The following LPIN1 variants were observed in gnomAD, a reference collection of about 807,000 sequenced individuals.
LPIN1 encodes the protein lipin 1.
LPIN1 carries 71 observed loss-of-function variants against 107.5 expected under a neutral mutation model. The ratio of observed to expected loss-of-function variants is 0.66; its 90% CI spans 0.55 to 0.80. The LOEUF is 0.80. Ranked by LOEUF, LPIN1 falls within the 30% of genes least tolerant of loss-of-function variation. The pLI is 0.00. For synonymous variants in LPIN1, 445 were observed against 452.6 expected (o/e 0.98, Z 0.21); for missense variants, 1,043 against 1,160.6 (o/e 0.90, Z 1.47).
At chr2:11,814,453 G>A (rs1291558636) in intron 17 of LPIN1, among the ~76,000 whole-genome samples, 2 of 151,946 alleles carry the variant, frequency 1.3e-5, no homozygotes, top group Non-Finnish European at 2.9e-5. Context: ...TGCTACAAAA[G>A]GGAACAGAGA....
chr2:11,800,774 A>C (rs1243382079), intron 14 of LPIN1, among the ~76,000 whole-genome samples: 1 of 152,172 alleles, frequency 6.6e-6, no homozygotes, highest in Non-Finnish European at 1.5e-5. Context: ...AAAGATAAAG[A>C]CAATCCTGGT....
chr2:11,798,561 A>G (rs986103999), intron 14 of LPIN1, among the ~76,000 whole-genome samples: 58 of 152,282 alleles, frequency 3.8e-4, no homozygotes, highest in African/African-American at 1.4e-3. Flanking sequence ...TGGGGCAAAA[A>G]ATGCTTTTTC....
intron 20 of LPIN1, among the ~76,000 whole-genome samples, chr2:11,821,028 T>C (rs1368546596): frequency 6.6e-6 from 1 of 152,220 alleles, no homozygotes; most frequent in Non-Finnish European, 1.5e-5. Flanking sequence ...CATCCTTGTG[T>C]GCTTAGAATC....
intron 14 of LPIN1, among the ~76,000 whole-genome samples, chr2:11,801,513 A>ATT (rs1259547098): frequency 6.6e-6 from 1 of 152,228 alleles, no homozygotes; most frequent in Non-Finnish European, 1.5e-5. Context: ...AGAAAGACAA[A>ATT]TATCACGTGT....
At chr2:11,744,026 T>C (rs1666634418), upstream of LPIN1, among the ~76,000 whole-genome samples, 1 of 152,242 alleles carries the variant, frequency 6.6e-6, no homozygotes, top group Admixed American at 6.5e-5. Flanking sequence ...CCATGATGCC[T>C]TTTTCATCCT....
intron 12 of LPIN1, among the ~76,000 whole-genome samples, chr2:11,791,509 C>T (rs1249050739): frequency 6.6e-6 from 1 of 152,204 alleles, no homozygotes; most frequent in African/African-American, 2.4e-5. Flanking sequence ...GTTTTATCCT[C>T]TATCCCATAT....
chr2:11,744,814 C>T (rs1424871594), upstream of LPIN1, among the ~76,000 whole-genome samples: 1 of 152,104 alleles, frequency 6.6e-6, no homozygotes, highest in Non-Finnish European at 1.5e-5. Flanking sequence ...TTTGGGCAGC[C>T]GTGATGCACT....
intron 3 of LPIN1, 72 bp downstream of exon 3, chr2:11,767,930 C>A: frequency 2.0e-6 from 2 of 993,304 alleles, no homozygotes; most frequent in Non-Finnish European, 3.2e-6. Flanking sequence ...GGAAACACGG[C>A]AGAAGTTTGT....
exon 2 of LPIN1, chr2:11,741,382 G>A: frequency 6.5e-7 from 1 of 1,550,038 alleles, no homozygotes; most frequent in East Asian, 2.4e-5. Flanking sequence ...AGAATTCAAG[G>A]CCACCTGCTT....
intron 14 of LPIN1, among the ~76,000 whole-genome samples, chr2:11,800,215 A>G (rs1029832112): frequency 6.6e-6 from 1 of 152,006 alleles, no homozygotes; most frequent in Non-Finnish European, 1.5e-5. Flanking sequence ...CTGGGCCACC[A>G]TCCCAAAGCC....
chr2:11,786,033 C>T lies in LPIN1; in HGVS notation c.1549+957C>T, dbSNP rs996862285. 6.6e-6 allele frequency among the ~76,000 whole-genome samples: 1 copy of T among 152,040 alleles called. No individual in the cohort carries two copies. Among genetic ancestry groups the T allele is most frequent in the African/African-American group, 2.4e-5 (1 of 41,392 alleles). On this transcript the variant is annotated intron_variant, in intron 10 of 20. Transcript: ENST00000674199. This position sits in a 1 kb window ranked among gnomAD's most constrained non-coding sequence, Gnocchi z 4.1. ...ACACTGGCGTGAGGAGTCCCCTGGGCGTTCCCTCCCTGATATACATGAGCT... is the reference window on the plus strand; with the variant it reads ...ACACTGGCGTGAGGAGTCCCCTGGGTGTTCCCTCCCTGATATACATGAGCT...
chr2:11,756,540 C>T (rs1668720077), intron 1 of LPIN1, among the ~76,000 whole-genome samples: 1 of 152,078 alleles, frequency 6.6e-6, no homozygotes, highest in Admixed American at 6.5e-5. Context: ...AGGCACTCAC[C>T]ATCATGCTAA....
chr2:11,688,309 C>T (rs536976671), intron 1 of LPIN1, among the ~76,000 whole-genome samples: 1 of 152,294 alleles, frequency 6.6e-6, no homozygotes, highest in African/African-American at 2.4e-5. Context: ...CCACAGTCAC[C>T]CCAGGGCTCC....
chr2:11,809,315 A>G (rs1002415408), intron 17 of LPIN1, among the ~76,000 whole-genome samples: 9 of 152,126 alleles, frequency 5.9e-5, no homozygotes, highest in Non-Finnish European at 1.5e-5. Context: ...AAAAAAGAAC[A>G]CTTACCGTGT....
At chr2:11,742,246 A>C (rs1444722526), upstream of LPIN1, 5 of 152,186 alleles carry the variant, frequency 3.3e-5, no homozygotes. Flanking sequence ...CTCCCATCAG[A>C]TTCTAATACC....
At position 11,783,836 on chromosome 2, in the gene LPIN1, A is replaced by C; in HGVS notation, c.1272A>C (p.Arg424=). The C allele has an allele frequency of 1.2e-6, 2 of 1,614,144 alleles. No individual in the cohort carries two copies. Among genetic ancestry groups the C allele is most frequent in the Non-Finnish European group, 1.7e-6 (2 of 1,179,976 alleles). The change falls in exon 9 of 21, where the codon CGA becomes CGC. Residue 424 remains arginine (R), a synonymous_variant. Coordinates refer to ENST00000674199, the MANE Select transcript of LPIN1 (RefSeq NM_001349206.2). ...AGCCATTTGCCGTTTTAGATAAACG[A>C]AGCCGACATCTTGGTGCTGACGGCG... is the stretch of plus-strand genomic sequence containing the variant. The part of the protein sequence containing the change: ...TDSPSRKRDK[R]SRHLGADGVY...
chr2:11,783,910 A>T lies in LPIN1; in HGVS notation c.1346A>T (p.Tyr449Phe), dbSNP rs763263996. 1 of 1,614,118 alleles carries T rather than the reference A, an allele frequency of 6.2e-7. No homozygotes were observed. The highest frequency in any genetic ancestry group is 1.1e-5 in the South Asian group (1 of 91,072). ...TDMDPEVAAL[Y>F]FPKNGDPSGL... ...ATGGATCCTGAAGTGGCGGCCCTGT[A>T]TTTTCCCAAAAAGTAAAATTCCTGT... Residue 449 changes from tyrosine (Y) to phenylalanine (F), a missense_variant, in exon 9 of 21, where the codon TAT becomes TTT. Tyr to Phe is a conservative substitution (Grantham distance 22). Coordinates refer to ENST00000674199, the MANE Select transcript of LPIN1 (RefSeq NM_001349206.2).
At chr2:11,784,040 C>T (rs1409007913) in intron 9 of LPIN1, 118 bp downstream of exon 9, 11 of 1,552,836 alleles carry the variant, frequency 7.1e-6, no homozygotes, top group African/African-American at 1.4e-5. Context: ...CGCGGTGGCT[C>T]ACGCCTGTAA....
chr2:11,798,310 G>A (rs1260133846), intron 14 of LPIN1, among the ~76,000 whole-genome samples: 7 of 152,176 alleles, frequency 4.6e-5, no homozygotes, highest in Non-Finnish European at 5.9e-5. Flanking sequence ...AGAGAGTTAG[G>A]TTTACAAGGG....
Sources: allele counts gnomAD v4.1 joint callset (sites outside exome capture counted in the v4.1 genomes callset), GRCh38; gene constraint gnomAD v4.1.1; non-coding constraint Gnocchi (gnomAD v3.1); transcripts MANE v1.5; gene names NCBI Gene and HGNC (gene_info 2026-07-23, HGNC 2026-07-21).